The following MAP3K7 variants were observed in gnomAD, a reference collection of about 807,000 sequenced individuals.
MAP3K7 encodes the protein TGF-beta activated kinase 1.
A neutral mutation model predicts 84.8 loss-of-function variants in MAP3K7; 21 were observed. That is an observed-to-expected ratio of 0.25 (90% CI 0.18 to 0.36). The LOEUF (loss-of-function observed/expected upper bound fraction) is 0.36. Ranked by LOEUF, MAP3K7 falls within the 10% of genes least tolerant of loss-of-function variation. The probability of loss-of-function intolerance (pLI) is 1.00; values close to 1 mark genes in which losing one functional copy is unlikely to be tolerated. For missense variants in MAP3K7, 503 were observed against 747.7 expected (o/e 0.67, Z 3.82); for synonymous variants, 241 against 247.7 (o/e 0.97, Z 0.25).
Position 90,516,727 on chromosome 6 carries a change from T to C in MAP3K7, c.1641-46A>G, listed in dbSNP as rs376570493. On this transcript the variant is annotated intron_variant, in intron 16 of 16. Transcript: ENST00000369329. ...ATATTACACATGATGGAAAAATTCA[T>C]ACCTTAGTAGCTGATGATGGAAGCT... 3.3e-5 allele frequency: 48 copies of C among 1,463,234 alleles called. 1 individual carries two copies. Among genetic ancestry groups the C allele is most frequent in the East Asian group, 1.6e-4 (7 of 43,494 alleles). 90.6% of individuals were successfully genotyped at this position (1,463,234 alleles called of 1,614,324 possible).
chr6:90,536,615 A>C, intron 12 of MAP3K7: 1 of 523,600 alleles, frequency 1.9e-6, no homozygotes, highest in Non-Finnish European at 3.4e-6. Flanking sequence ...TTAACTCAAA[A>C]GTTGCTGGCC....
chr6:90,552,557 A>C (rs1776214753), intron 7 of MAP3K7, among the ~76,000 whole-genome samples: 2 of 152,224 alleles, frequency 1.3e-5, no homozygotes, highest in African/African-American at 2.4e-5. Context: ...CTAAATAATT[A>C]GGCAGACATT....
chr6:90,540,026 T>A (rs1334936526), intron 12 of MAP3K7, among the ~76,000 whole-genome samples: 1 of 151,848 alleles, frequency 6.6e-6, no homozygotes, highest in Non-Finnish European at 1.5e-5. Context: ...GCGGCTGAAA[T>A]CATAAGGACA....
intron 9 of MAP3K7, 85 bp from the exon 10 acceptor site, chr6:90,548,262 T>C: frequency 1.8e-6 from 2 of 1,142,266 alleles, no homozygotes; most frequent in Non-Finnish European, 2.5e-6. Context: ...CATTCTTTTA[T>C]AAACTAGCCA....
intron 5 of MAP3K7, 91 bp downstream of exon 5, chr6:90,559,985 T>C: frequency 3.5e-6 from 5 of 1,441,970 alleles, no homozygotes; most frequent in African/African-American, 1.4e-5. Flanking sequence ...TCCTGTACAA[T>C]AATGAGCTTG....
At chr6:90,546,550 A>G (rs1776007129) in intron 11 of MAP3K7, among the ~76,000 whole-genome samples, 1 of 152,170 alleles carries the variant, frequency 6.6e-6, no homozygotes, top group Non-Finnish European at 1.5e-5. Context: ...GAATCAGCAA[A>G]AAACCAAAAA....
rs982309475 is a variant in MAP3K7, at chr6:90,556,244, C to G, written c.607+256G>C. Among the ~76,000 whole-genome samples, 18 of 152,258 alleles carry G rather than the reference C, an allele frequency of 1.2e-4. No individual in the cohort carries two copies. The East Asian group carries it at 2.7e-3, about 23-fold the overall frequency. On this transcript the variant is annotated intron_variant, in intron 6 of 16. Transcript: ENST00000369329. Reference sequence around the variant, plus strand: ...TTTTGGGGTTACAAATAAATGTTAGCAAATAGGCAATTTTGCAATTAAGAA... The same window carrying G: ...TTTTGGGGTTACAAATAAATGTTAGGAAATAGGCAATTTTGCAATTAAGAA...
At chr6:90,523,163 T>C (rs901435820) in intron 14 of MAP3K7, among the ~76,000 whole-genome samples, 2 of 152,160 alleles carry the variant, frequency 1.3e-5, no homozygotes, top group Non-Finnish European at 2.9e-5. Flanking sequence ...AAAGGTCTAA[T>C]AGAATATTTG....
intron 1 of MAP3K7, among the ~76,000 whole-genome samples, chr6:90,576,419 T>TCACA (rs11468988): frequency 0.021 from 2,866 of 136,772 alleles, 42 homozygotes; most frequent in Non-Finnish European, 0.03. Flanking sequence ...CTAGACTCTG[T>TCACA]CACACACACA....
intron 6 of MAP3K7, among the ~76,000 whole-genome samples, chr6:90,554,832 A>G (rs1776286140): frequency 6.6e-6 from 1 of 152,218 alleles, no homozygotes; most frequent in Admixed American, 6.5e-5. Flanking sequence ...AGGAGGCATT[A>G]TTTAATCTTG....
chr6:90,586,951 C>A lies in MAP3K7; in HGVS notation c.-68G>T, dbSNP rs1289790682. 7.4e-6 allele frequency: 11 copies of A among 1,482,912 alleles called. No individual in the cohort carries two copies. Among genetic ancestry groups the A allele is most frequent in the Non-Finnish European group, 9.8e-6 (11 of 1,124,450 alleles). The allele number at this position is 1,482,912 out of a possible 1,614,324, so 91.9% of individuals were successfully genotyped here. ...GGACAATCCGGGTGAGACCCGCGCC[C>A]ACCCGCCTCCGGACCGACCCTCAGC... On this transcript the variant is annotated 5_prime_UTR_variant, in exon 1 of 17. Transcript: ENST00000369329.
chr6:90,567,763 C>T (rs1299016098), intron 3 of MAP3K7, among the ~76,000 whole-genome samples: 2 of 152,164 alleles, frequency 1.3e-5, no homozygotes, highest in African/African-American at 2.4e-5. Context: ...CACATGGACA[C>T]GTATGTTTAC....
At chr6:90,572,325 T>C (rs1016921779) in intron 1 of MAP3K7, among the ~76,000 whole-genome samples, 3 of 152,054 alleles carry the variant, frequency 2.0e-5, no homozygotes, top group African/African-American at 7.2e-5. Context: ...AAATATAGTA[T>C]TATTTATTCC....
chr6:90,562,791 A>G (rs1345527347), intron 3 of MAP3K7, among the ~76,000 whole-genome samples: 1 of 152,134 alleles, frequency 6.6e-6, no homozygotes, highest in Non-Finnish European at 1.5e-5. Flanking sequence ...TGGGTCCCTG[A>G]CCCCTGAGTA....
At chr6:90,576,435 A>T (rs901315746) in intron 1 of MAP3K7, among the ~76,000 whole-genome samples, 35 of 132,874 alleles carry the variant, frequency 2.6e-4, no homozygotes, top group South Asian at 1.1e-3. Context: ...ACACACACAC[A>T]CACACACACA....
At chr6:90,576,419 T>TCACACACACACACACACA (rs11468988) in intron 1 of MAP3K7, among the ~76,000 whole-genome samples, 2 of 136,876 alleles carry the variant, frequency 1.5e-5, no homozygotes, top group African/African-American at 2.7e-5. Context: ...CTAGACTCTG[T>TCACACACACACACACACA]CACACACACA....
intron 1 of MAP3K7, among the ~76,000 whole-genome samples, chr6:90,572,428 C>T (rs1291922837): frequency 1.3e-5 from 2 of 151,708 alleles, no homozygotes; most frequent in African/African-American, 4.8e-5. Flanking sequence ...AGTCAGACAC[C>T]AGAGACCACA....
chr6:90,524,288 C>T (rs991934273), intron 13 of MAP3K7, among the ~76,000 whole-genome samples: 4 of 152,102 alleles, frequency 2.6e-5, no homozygotes, highest in Admixed American at 2.6e-4. Flanking sequence ...ATTTGTCTCT[C>T]TTGGGTTAGT....
intron 1 of MAP3K7, among the ~76,000 whole-genome samples, chr6:90,586,207 C>A (rs1365068384): frequency 2.0e-5 from 3 of 151,302 alleles, no homozygotes; most frequent in African/African-American, 7.3e-5. Flanking sequence ...CCCGTCTCTA[C>A]TAAAAATACA....
Sources: gnomAD v4.1 joint callset for allele counts (sites outside exome capture counted in the v4.1 genomes callset) on GRCh38, gnomAD v4.1.1 for gene constraint, MANE v1.5 for transcripts, NCBI Gene and HGNC (gene_info 2026-07-23, HGNC 2026-07-21) for gene names.